The following NINJ2 variants were observed in gnomAD, a reference collection of about 807,000 sequenced individuals.
The protein encoded by NINJ2 is ninjurin-2.
A neutral mutation model predicts 11.7 loss-of-function variants in NINJ2; 12 were observed. The ratio of observed to expected loss-of-function variants is 1.02; its 90% CI spans 0.66 to 1.66. The LOEUF is 1.66. Among genes scored for constraint, NINJ2 ranks in the 40% most tolerant of loss-of-function variants. The probability of loss-of-function intolerance (pLI) is 0.00; values close to 1 mark genes in which losing one functional copy is unlikely to be tolerated. For synonymous variants in NINJ2, 93 were observed against 76.8 expected (o/e 1.21, Z -1.10); for missense variants, 187 against 181.8 (o/e 1.03, Z -0.16).
At chr12:576,387 A>G (rs1389140511) in intron 1 of NINJ2, among the ~76,000 whole-genome samples, 4 of 152,242 alleles carry the variant, frequency 2.6e-5, no homozygotes, top group African/African-American at 7.2e-5. Context: ...TTTCTCTCCA[A>G]CAAAAGGGGG....
chr12:565,771 C>T (rs1947288588), intron 2 of NINJ2, 179 bp downstream of exon 2: 3 of 684,656 alleles, frequency 4.4e-6, no homozygotes, highest in Non-Finnish European at 5.3e-6. Context: ...GACAGGGCGC[C>T]TGCCCTCGCG....
intron 1 of NINJ2, among the ~76,000 whole-genome samples, chr12:638,659 C>T (rs1216542204): frequency 6.6e-6 from 1 of 152,248 alleles, no homozygotes. Flanking sequence ...TCGTGATCCG[C>T]CCGCCTCGGC....
rs1432154773 is a variant in NINJ2, at chr12:662,217, G to A, written c.33+1111C>T. ...AGACAGAGGGACAAGCAAGCCTTGCGGTGGGACCGCTCTCGGGGCTGGCTG... is the reference window on the plus strand; with the variant it reads ...AGACAGAGGGACAAGCAAGCCTTGCAGTGGGACCGCTCTCGGGGCTGGCTG... On this transcript the variant is annotated intron_variant, in intron 1 of 3. Coordinates refer to ENST00000305108, the MANE Select transcript of NINJ2 (RefSeq NM_016533.6). Among the ~76,000 whole-genome samples, 7 of 152,184 alleles carry A rather than the reference G, an allele frequency of 4.6e-5. No homozygotes were observed. In the South Asian group the frequency reaches 8.3e-4, roughly 18 times the overall value.
rs766783965 is a variant in NINJ2 at position 570,313 on chromosome 12, C to T, written c.34-4135G>A. 5.3e-5 allele frequency among the ~76,000 whole-genome samples: 8 copies of T among 152,210 alleles called. No individual in the cohort carries two copies. The East Asian group carries it at 7.7e-4, about 15-fold the overall frequency. On this transcript the variant is annotated intron_variant, in intron 1 of 3. Coordinates refer to ENST00000305108, the MANE Select transcript of NINJ2 (RefSeq NM_016533.6). The stretch of plus-strand genomic sequence containing the variant: ...GCAGGGACCGGGCTTTTCTAATCCT[C>T]GTGGGCCAGTTTAGGTGCAGCCCTG...
At chr12:638,508 C>T (rs997950873) in intron 1 of NINJ2, among the ~76,000 whole-genome samples, 1 of 152,210 alleles carries the variant, frequency 6.6e-6, no homozygotes, top group African/African-American at 2.4e-5. Context: ...CTCCGCCTCC[C>T]AGGTTCACGC....
chr12:661,715 GATCTT>G (rs1398004890), intron 1 of NINJ2, among the ~76,000 whole-genome samples: 1 of 152,178 alleles, frequency 6.6e-6, no homozygotes, highest in Non-Finnish European at 1.5e-5. Flanking sequence ...AACAACCAAG[GATCTT>G]ATAGAGGCAA....
At chr12:599,555 A>G (rs901321684) in intron 1 of NINJ2, among the ~76,000 whole-genome samples, 31 of 152,328 alleles carry the variant, frequency 2.0e-4, no homozygotes, top group African/African-American at 7.0e-4. Context: ...GATCTCTGCA[A>G]CATCCTACAA....
At chr12:570,824 G>A (rs1947365863) in intron 1 of NINJ2, among the ~76,000 whole-genome samples, 1 of 152,214 alleles carries the variant, frequency 6.6e-6, no homozygotes, top group African/African-American at 2.4e-5. Context: ...GGTGGGCTAG[G>A]ACTGCTGGTT....
At chr12:661,158 A>G (rs1032649238) in intron 1 of NINJ2, among the ~76,000 whole-genome samples, 1 of 152,146 alleles carries the variant, frequency 6.6e-6, no homozygotes, top group Non-Finnish European at 1.5e-5. Context: ...AGCTCACTGC[A>G]ACCTTGAACT....
Position 580,875 on chromosome 12 carries a change from T to A in NINJ2, c.34-14697A>T, listed in dbSNP as rs922564063. 6.6e-6 allele frequency among the ~76,000 whole-genome samples: 1 copy of A among 151,962 alleles called. No individual in the cohort carries two copies. Among genetic ancestry groups the A allele is most frequent in the African/African-American group, 2.4e-5 (1 of 41,344 alleles). ...GTGTGTGCATGAGTGTCTGTGTGAA[T>A]GTGTCTATGCATGTGTCTGTGTGTC... On this transcript the variant is annotated intron_variant, in intron 1 of 3. Transcript: ENST00000305108. The surrounding 1 kb of genome is among the most constrained non-coding windows in gnomAD (Gnocchi z 4.7).
At chr12:643,314 C>T (rs1201571585) in intron 1 of NINJ2, 1 of 486,126 alleles carries the variant, frequency 2.1e-6, no homozygotes, top group Non-Finnish European at 2.7e-6. Context: ...CCGTCGCGGC[C>T]TCGCAGCCTC....
chr12:579,604 C>G (rs1291493742), intron 1 of NINJ2, among the ~76,000 whole-genome samples: 3 of 152,138 alleles, frequency 2.0e-5, no homozygotes, highest in Admixed American at 6.5e-5. Flanking sequence ...GCGGATTCAC[C>G]GAGCCCAGGA....
chr12:652,915 G>A (rs1454365521), intron 1 of NINJ2, among the ~76,000 whole-genome samples: 1 of 147,520 alleles, frequency 6.8e-6, no homozygotes, highest in African/African-American at 2.5e-5. Context: ...CCATTGCACT[G>A]CAGCCTGGGC....
At chr12:598,149 TGTGTATGC>T (rs1947814892) in intron 1 of NINJ2, among the ~76,000 whole-genome samples, 1 of 152,232 alleles carries the variant, frequency 6.6e-6, no homozygotes, top group African/African-American at 2.4e-5. Context: ...GTATAATGTG[TGTGTATGC>T]GTGTGTGTCT....
At chr12:612,245 G>T (rs1170097606) in intron 1 of NINJ2, among the ~76,000 whole-genome samples, 1 of 152,136 alleles carries the variant, frequency 6.6e-6, no homozygotes, top group African/African-American at 2.4e-5. Context: ...CTTCCATTTT[G>T]GTCTAAGCTG....
chr12:578,162 C>A (rs985076167), intron 1 of NINJ2, among the ~76,000 whole-genome samples: 19 of 152,128 alleles, frequency 1.2e-4, no homozygotes, highest in African/African-American at 3.9e-4. Context: ...CACGTACCCC[C>A]TGATTACTCA....
At chr12:641,607 G>C (rs959779843) in intron 1 of NINJ2, among the ~76,000 whole-genome samples, 1 of 152,232 alleles carries the variant, frequency 6.6e-6, no homozygotes, top group Non-Finnish European at 1.5e-5. Context: ...CACTCTGGGA[G>C]GCCGAGGCAG....
intron 1 of NINJ2, among the ~76,000 whole-genome samples, chr12:616,580 G>T (rs769824100): frequency 9.9e-5 from 15 of 152,186 alleles, no homozygotes; most frequent in African/African-American, 1.4e-4. Flanking sequence ...AGTGCTGCAG[G>T]TTGCAGGAAA....
chr12:641,705 C>A (rs1212249246), intron 1 of NINJ2, among the ~76,000 whole-genome samples: 2 of 152,006 alleles, frequency 1.3e-5, no homozygotes, highest in Non-Finnish European at 2.9e-5. Flanking sequence ...ATGAGCCGGG[C>A]GTGGTGGCGG....
Sources: gnomAD v4.1 joint callset for allele counts (sites outside exome capture counted in the v4.1 genomes callset) on GRCh38, gnomAD v4.1.1 for gene constraint, Gnocchi (gnomAD v3.1) non-coding constraint, MANE v1.5 for transcripts, NCBI Gene and HGNC (gene_info 2026-07-23, HGNC 2026-07-21) for gene names.